Variants in PIP5K1A observed in about 807,000 individuals in gnomAD.
The protein encoded by PIP5K1A is phosphatidylinositol 4-phosphate 5-kinase type-1 alpha.
A neutral mutation model predicts 72.9 loss-of-function variants in PIP5K1A; 46 were observed. The observed-to-expected ratio is 0.63, with a 90% CI of 0.50 to 0.81. PIP5K1A has a LOEUF of 0.81. PIP5K1A is among the 30% of genes least tolerant of loss of function. The probability of loss-of-function intolerance (pLI) is 0.00; values close to 1 mark genes in which losing one functional copy is unlikely to be tolerated. For synonymous variants in PIP5K1A, 228 were observed against 255.1 expected (o/e 0.89, Z 1.01); for missense variants, 458 against 706.1 (o/e 0.65, Z 3.98).
intron 15 of PIP5K1A, 57 bp from the exon 16 acceptor site, chr1:151,247,806 T>A (rs1692728528): frequency 6.9e-7 from 1 of 1,440,478 alleles, no homozygotes; most frequent in Non-Finnish European, 9.6e-7. Flanking sequence ...ACGCTTGAAT[T>A]CCATTTCTGC....
At chr1:151,213,140 T>C (rs898355798) in intron 1 of PIP5K1A, among the ~76,000 whole-genome samples, 7 of 151,982 alleles carry the variant, frequency 4.6e-5, no homozygotes, top group Non-Finnish European at 1.0e-4. Context: ...TCCCCCGCCT[T>C]GGCCTCCCAA....
At chr1:151,207,444 T>A (rs1467566896) in intron 1 of PIP5K1A, among the ~76,000 whole-genome samples, 1 of 152,130 alleles carries the variant, frequency 6.6e-6, no homozygotes, top group African/African-American at 2.4e-5. Context: ...GAGGGAAATG[T>A]AGAGTTATTT....
At chr1:151,243,679 G>A (rs1320740981) in intron 14 of PIP5K1A, among the ~76,000 whole-genome samples, 1 of 152,134 alleles carries the variant, frequency 6.6e-6, no homozygotes, top group Non-Finnish European at 1.5e-5. Context: ...TTTTACCTGA[G>A]TTCTTTTCTC....
At chr1:151,204,632 G>A (rs972969906) in intron 1 of PIP5K1A, among the ~76,000 whole-genome samples, 2 of 152,214 alleles carry the variant, frequency 1.3e-5, no homozygotes, top group African/African-American at 4.8e-5. Context: ...AGAATACAAT[G>A]TCAGAATATC....
intron 1 of PIP5K1A, among the ~76,000 whole-genome samples, chr1:151,219,052 G>A (rs1159199218): frequency 1.3e-5 from 2 of 152,004 alleles, no homozygotes; most frequent in Non-Finnish European, 2.9e-5. Context: ...AATATAAGTG[G>A]TTTATTGATT....
chr1:151,227,655 C>A (rs587751422), intron 4 of PIP5K1A, among the ~76,000 whole-genome samples: 1 of 152,312 alleles, frequency 6.6e-6, no homozygotes, highest in African/African-American at 2.4e-5. Flanking sequence ...CTTTGGGAAG[C>A]CGAGGCAGGC....
intron 4 of PIP5K1A, among the ~76,000 whole-genome samples, chr1:151,227,893 GA>G (rs201095547): frequency 6.6e-5 from 10 of 151,110 alleles, no homozygotes; most frequent in South Asian, 2.1e-4. Context: ...CATCTCAAAA[GA>G]AAAAAAAATT....
chr1:151,207,928 G>A lies in PIP5K1A; in HGVS notation c.85+8847G>A, dbSNP rs587702463. Among the ~76,000 whole-genome samples the A allele has an allele frequency of 2.2e-4, 33 of 149,118 alleles. No homozygotes were observed. In the East Asian group the frequency reaches 6.4e-3, roughly 29 times the overall value. Reference sequence around the variant, plus strand: ...TGCCCAGTCTGGAGTGCAGTGGTGCGATCTTGGCTCACTGCATCCTCCTCC... The same window carrying A: ...TGCCCAGTCTGGAGTGCAGTGGTGCAATCTTGGCTCACTGCATCCTCCTCC... On this transcript the variant is annotated intron_variant, in intron 1 of 15. Coordinates refer to ENST00000368888, the MANE Select transcript of PIP5K1A (RefSeq NM_001135638.2).
chr1:151,240,159 C>T, intron 12 of PIP5K1A, 120 bp downstream of exon 12: 1 of 728,464 alleles, frequency 1.4e-6, no homozygotes, highest in Non-Finnish European at 2.4e-6. Flanking sequence ...CTCCTTCCAC[C>T]TACATCCCAT....
At position 151,240,057 on chromosome 1, in the gene PIP5K1A, A is replaced by G. The variant is rs770641281; in HGVS notation, c.1363+18A>G. On this transcript the variant is annotated intron_variant, in intron 12 of 15. Coordinates refer to ENST00000368888, the MANE Select transcript of PIP5K1A (RefSeq NM_001135638.2). ...GATTCCCTGTAAGTGGTTTCTACCA[A>G]TTGACTGCCTACTCCTGCCCAGTGG... 2.5e-5 allele frequency: 39 copies of G among 1,563,828 alleles called. No individual in the cohort carries two copies. Among genetic ancestry groups the G allele is most frequent in the African/African-American group, 5.4e-5 (4 of 74,028 alleles).
chr1:151,237,380 G>T (rs1016260641), intron 9 of PIP5K1A, among the ~76,000 whole-genome samples: 1 of 152,190 alleles, frequency 6.6e-6, no homozygotes, highest in African/African-American at 2.4e-5. Context: ...CTTTATTAGG[G>T]CTGGGCACAG....
chr1:151,203,093 A>G (rs1349003860), intron 1 of PIP5K1A, among the ~76,000 whole-genome samples: 1 of 151,928 alleles, frequency 6.6e-6, no homozygotes, highest in African/African-American at 2.4e-5. Context: ...CCTTTTTACC[A>G]CCATGAGGAG....
rs587693716 is a variant in PIP5K1A, at chr1:151,230,389, G to A, written c.238-1282G>A. ...CAGACAGCAAAGATCTAGATGATGC[G>A]ATACTTTCCCACGGGCTTGGAATCC... On this transcript the variant is annotated intron_variant, in intron 4 of 15. Transcript: ENST00000368888. Among the ~76,000 whole-genome samples, 10 of 152,288 alleles carry A rather than the reference G, an allele frequency of 6.6e-5. No individual in the cohort carries two copies. The East Asian group carries it at 1.7e-3, about 26-fold the overall frequency.
chr1:151,223,256 C>G (rs1688643562), intron 1 of PIP5K1A, among the ~76,000 whole-genome samples: 1 of 151,084 alleles, frequency 6.6e-6, no homozygotes, highest in Non-Finnish European at 1.5e-5. Context: ...GAGGTTGAGG[C>G]AGGAGAATCT....
intron 1 of PIP5K1A, among the ~76,000 whole-genome samples, chr1:151,220,300 G>A (rs1487798655): frequency 6.6e-6 from 1 of 151,808 alleles, no homozygotes; most frequent in Non-Finnish European, 1.5e-5. Context: ...CACCGCACCC[G>A]GCTTGCCTGT....
chr1:151,242,467 C>T lies in PIP5K1A; in HGVS notation c.1540C>T (p.Pro514Ser). 1.2e-6 allele frequency: 2 copies of T among 1,614,044 alleles called. No homozygotes were observed. Among genetic ancestry groups the T allele is most frequent in the Non-Finnish European group, 1.7e-6 (2 of 1,179,916 alleles). The change falls in exon 14 of 16, where the codon CCT becomes TCT. Residue 514 changes from proline to serine, a missense_variant. Transcript: ENST00000368888. ...GVHLGRPDVL[P>S]QTPPLEEISE... ...TCACCTTGGTCGTCCTGATGTTTTA[C>T]CTCAGACTCCACCTTTGGAGGAAAT...
Position 151,224,522 on chromosome 1 carries a change from ATACTG to A in PIP5K1A, c.156+120_156+124del. The A allele has an allele frequency of 5.2e-6, 4 of 774,212 alleles. No individual in the cohort carries two copies. In the South Asian group the frequency reaches 6.1e-5, roughly 12 times the overall value. 48.0% of individuals were successfully genotyped at this position (774,212 alleles called of 1,614,324 possible). A position where few individuals can be genotyped will look rare whatever the true frequency, so the allele number is the denominator to read the frequency against. On this transcript the variant is annotated intron_variant, in intron 3 of 15. Transcript: ENST00000368888. ...AAATGCAATATATACCAAAAAGTAA[ATACTG>A]TACCTAAGTGCCCTTTAAGATATTC...
Position 151,226,408 on chromosome 1 carries a change from C to T in PIP5K1A, c.157-912C>T, listed in dbSNP as rs777084794. Among the ~76,000 whole-genome samples the T allele has an allele frequency of 6.2e-4, 95 of 152,006 alleles. 1 individual carries two copies. The highest frequency in any genetic ancestry group is 3.2e-3 in the Middle Eastern group (1 of 316). Reference sequence around the variant, plus strand: ...CCATCGCCGAGCTGTGTTTCTACTACTGTTTAAAAATACTCACCTTTGGTT... The same window carrying T: ...CCATCGCCGAGCTGTGTTTCTACTATTGTTTAAAAATACTCACCTTTGGTT... On this transcript the variant is annotated intron_variant, in intron 3 of 15. Transcript: ENST00000368888.
intron 9 of PIP5K1A, 79 bp downstream of exon 9, chr1:151,236,842 TTA>T: frequency 1.0e-6 from 1 of 978,188 alleles, no homozygotes; most frequent in Non-Finnish European, 1.5e-6. Flanking sequence ...TTTTTTTTTT[TTA>T]GTTTCACTCT....
Sources: gnomAD v4.1 joint callset for allele counts (sites outside exome capture counted in the v4.1 genomes callset) on GRCh38, gnomAD v4.1.1 for gene constraint, MANE v1.5 for transcripts, NCBI Gene and HGNC (gene_info 2026-07-23, HGNC 2026-07-21) for gene names.